Variants in C11orf16 observed in about 807,000 individuals in gnomAD.
The protein encoded by C11orf16 is chromosome 11 open reading frame 16.
A neutral mutation model predicts 45.1 loss-of-function variants in C11orf16; 38 were observed. The observed-to-expected ratio is 0.84, with a 90% CI of 0.65 to 1.10. The LOEUF is 1.10. Ranked by LOEUF, C11orf16 falls within the 50% of genes least tolerant of loss-of-function variation. The pLI, the probability that C11orf16 is intolerant of heterozygous loss-of-function variation, is 0.00. For missense variants in C11orf16, 583 were observed against 569.5 expected (o/e 1.02, Z -0.24); for synonymous variants, 221 against 222.0 (o/e 1.00, Z 0.04).
intron 2 of C11orf16, among the ~76,000 whole-genome samples, chr11:8,931,741 G>C (rs2064651403): frequency 6.6e-6 from 1 of 152,112 alleles, no homozygotes; most frequent in South Asian, 2.1e-4. Flanking sequence ...GGTCAGACTG[G>C]ACTCGAACTC....
At chr11:8,924,441 A>C (rs1485358068) in intron 5 of C11orf16, among the ~76,000 whole-genome samples, 1 of 152,044 alleles carries the variant, frequency 6.6e-6, no homozygotes. Flanking sequence ...CATGAGAATC[A>C]CTCGAACCTG....
In C11orf16 at chr11:8,925,666, A is replaced by T; in HGVS notation, c.1001T>A (p.Val334Asp). The T allele has an allele frequency of 6.2e-7, 1 of 1,614,240 alleles. No homozygotes were observed. The highest frequency in any genetic ancestry group is 8.5e-7 in the Non-Finnish European group (1 of 1,180,034). ...ACAGGAGGAGGATGAGGAGGAAGAA[A>T]CAGCCAGGGGAGCGTGCATTGCTAC... ...EKVAMHAPLA[V>D]SSSSSSSCEQ... The change falls in exon 5 of 7, where the codon GTT becomes GAT. Residue 334 changes from valine (V) to aspartate (D), a missense_variant. Val to Asp is a radical substitution (Grantham distance 152). Transcript: ENST00000326053.
chr11:8,920,483 A>T, intron 6 of C11orf16, 33 bp from the exon 7 acceptor site: 1 of 651,092 alleles, frequency 1.5e-6, no homozygotes, highest in Non-Finnish European at 2.7e-6. Context: ...ATACATTGTT[A>T]TGCTGACTGC....
rs1168619933 is a variant in C11orf16, at chr11:8,920,377, T to G, written c.*96A>C. 7.7e-6 allele frequency: 5 copies of G among 647,942 alleles called. No homozygotes were observed. The highest frequency in any genetic ancestry group is 1.4e-5 in the Non-Finnish European group (5 of 360,842). 40.1% of individuals were successfully genotyped at this position (647,942 alleles called of 1,614,324 possible). ...TGTTACCTGTGGCCTGTCCTCTGCC[T>G]CCTTCCGTTGAAGAAGGCCTTGTCA... On this transcript the variant is annotated 3_prime_UTR_variant, in exon 7 of 7. Transcript: ENST00000326053.
At chr11:8,927,773 C>G (rs1297544831) in intron 3 of C11orf16, 5 of 380,358 alleles carry the variant, frequency 1.3e-5, no homozygotes, top group African/African-American at 8.3e-5. Context: ...CAAGCTGTTT[C>G]AAGTACTCTG....
At chr11:8,921,554 C>G (rs2064574254) in intron 5 of C11orf16, 39 bp from the exon 6 acceptor site, 2 of 1,540,562 alleles carry the variant, frequency 1.3e-6, no homozygotes, top group Non-Finnish European at 1.8e-6. Flanking sequence ...GAATATGCCA[C>G]CATTTTGATG....
intron 5 of C11orf16, among the ~76,000 whole-genome samples, chr11:8,923,738 G>A (rs975574719): frequency 1.3e-5 from 2 of 151,870 alleles, no homozygotes; most frequent in Admixed American, 6.6e-5. Flanking sequence ...CAACTAGCTG[G>A]GATTACAGAC....
chr11:8,920,190 C>A lies in C11orf16; in HGVS notation c.*283G>T. 2.6e-6 allele frequency: 1 copy of A among 378,280 alleles called. No individual in the cohort carries two copies. Among genetic ancestry groups the A allele is most frequent in the Non-Finnish European group, 4.7e-6 (1 of 213,472 alleles). 23.4% of individuals were successfully genotyped at this position (378,280 alleles called of 1,614,324 possible). A position where few individuals can be genotyped will look rare whatever the true frequency, so the allele number is the denominator to read the frequency against. ...CACATTTGCCCAAAGCAGGCTGACC[C>A]CCTCTTCCACGGAAGAGGCATCTTA... is the stretch of plus-strand genomic sequence containing the variant. On this transcript the variant is annotated 3_prime_UTR_variant, in exon 7 of 7. Transcript: ENST00000326053.
rs149464499 is a variant in C11orf16, at chr11:8,921,421, C to T, written c.1299G>A (p.Ser433=). Residue 433 remains serine (S), a synonymous_variant, in exon 6 of 7, where the codon TCG becomes TCA. Coordinates refer to ENST00000326053, the MANE Select transcript of C11orf16 (RefSeq NM_020643.3). The part of the protein sequence containing the change: ...AVVGTTKELV[S]KATHMKPPRT... The stretch of plus-strand genomic sequence containing the variant: ...GCGGTGGCTTCATGTGGGTTGCTTT[C>T]GAGACCAGCTCCTTGGTAGTCCCCA... 5.0e-5 allele frequency: 80 copies of T among 1,614,192 alleles called. 1 individual carries two copies. Among genetic ancestry groups the T allele is most frequent in the African/African-American group, 2.5e-4 (19 of 75,066 alleles).
intron 4 of C11orf16, among the ~76,000 whole-genome samples, chr11:8,926,399 G>A (rs1024230251): frequency 6.6e-6 from 1 of 151,816 alleles, no homozygotes; most frequent in Non-Finnish European, 1.5e-5. Context: ...TGGCTGCGTG[G>A]CTCCTCACAT....
At position 8,926,705 on chromosome 11, in the gene C11orf16, A is replaced by T. The variant is rs1340915386; in HGVS notation, c.559+235T>A. 2.6e-5 allele frequency among the ~76,000 whole-genome samples: 4 copies of T among 152,048 alleles called. No individual in the cohort carries two copies. The East Asian group carries it at 7.7e-4, about 29-fold the overall frequency. ...TTTAGCTAACCAACATAGATATGAG[A>T]GTTTTAGGCCATTTACCCTGATTAC... On this transcript the variant is annotated intron_variant, in intron 4 of 6. Coordinates refer to ENST00000326053, the MANE Select transcript of C11orf16 (RefSeq NM_020643.3).
At position 8,929,481 on chromosome 11, in the gene C11orf16, GC is replaced by G. The variant is rs2064636597; in HGVS notation, c.219del (p.Pro74LeufsTer16). ...TCTCCAGCTCTTCCCAGCCAGCCAG[GC>G]CCCTGCCATGCTGGGTCGGCAACGT... ...CLHVADPAWQ[G>X]PGWLGRAGDA... On this transcript the variant is annotated frameshift_variant, in exon 3 of 7. Coordinates refer to ENST00000326053, the MANE Select transcript of C11orf16 (RefSeq NM_020643.3). LOFTEE classifies it high-confidence loss of function. 6.2e-7 allele frequency: 1 copy of G among 1,614,014 alleles called. No individual in the cohort carries two copies. Among genetic ancestry groups the G allele is most frequent in the Admixed American group, 1.7e-5 (1 of 60,000 alleles).
In C11orf16 at chr11:8,927,022, C is replaced by G. The variant is rs1287594630; in HGVS notation, c.477G>C (p.Val159=). 2 of 1,614,104 alleles carry G rather than the reference C, an allele frequency of 1.2e-6. No homozygotes were observed. Among genetic ancestry groups the G allele is most frequent in the Admixed American group, 1.7e-5 (1 of 60,008 alleles). Residue 159 remains valine (V), a synonymous_variant, in exon 4 of 7, where the codon GTG becomes GTC. Coordinates refer to ENST00000326053, the MANE Select transcript of C11orf16 (RefSeq NM_020643.3). ...GTTGGCCTGGCTCCCAGAGTGCCAG[C>G]ACCTTATCCCCTGGTCTCAGTGAGT... ...VGYSLRPGDK[V]LALWEPGQQQ...
In C11orf16 at chr11:8,920,399, G is replaced by A; in HGVS notation, c.*74C>T. The A allele has an allele frequency of 1.5e-6, 1 of 661,440 alleles. No individual in the cohort carries two copies. The highest frequency in any genetic ancestry group is 1.7e-5 in the South Asian group (1 of 60,478). The allele number at this position is 661,440 out of a possible 1,614,324, so 41.0% of individuals were successfully genotyped here. ...GCCTCCTTCCGTTGAAGAAGGCCTT[G>A]TCAGCCACTCTGTATAACTCTCCTC... On this transcript the variant is annotated 3_prime_UTR_variant, in exon 7 of 7. Coordinates refer to ENST00000326053, the MANE Select transcript of C11orf16 (RefSeq NM_020643.3).
In C11orf16 at chr11:8,926,193, T is replaced by TTC. The variant is rs2064612175; in HGVS notation, c.560-87_560-86insGA. ...TTTTCTTTTTTTCTTTTCTTTTTTT[T>TTC]TTTTTTTTTTTGAGACAGGGTCTGG... is the stretch of plus-strand genomic sequence containing the variant. On this transcript the variant is annotated intron_variant, in intron 4 of 6. Coordinates refer to ENST00000326053, the MANE Select transcript of C11orf16 (RefSeq NM_020643.3). 7.1e-6 allele frequency: 9 copies of TTC among 1,269,136 alleles called. No individual in the cohort carries two copies. In the South Asian group the frequency reaches 1.5e-4, roughly 21 times the overall value. The allele number at this position is 1,269,136 out of a possible 1,614,324, so 78.6% of individuals were successfully genotyped here. A position where few individuals can be genotyped will look rare whatever the true frequency, so the allele number is the denominator to read the frequency against.
rs748781277 is a variant in C11orf16, at chr11:8,929,519, C to T, written c.182G>A (p.Cys61Tyr). 5 of 1,612,434 alleles carry T rather than the reference C, an allele frequency of 3.1e-6. No homozygotes were observed. In the Admixed American group the frequency reaches 5.0e-5, roughly 16 times the overall value. ...HKPLARHASS[C>Y]PCLHVADPAW... ...TGGGTCGGCAACGTGGAGACATGGGCAAGAAGAGGCATGCCTGGAAAAAAG... is the reference window on the plus strand; with the variant it reads ...TGGGTCGGCAACGTGGAGACATGGGTAAGAAGAGGCATGCCTGGAAAAAAG... The change falls in exon 3 of 7, where the codon TGC (cysteine) becomes TAC (tyrosine). Residue 61 changes from cysteine (C) to tyrosine (Y), a missense_variant. Physicochemically the swap from Cys to Tyr is radical, Grantham distance 194. Transcript: ENST00000326053.
chr11:8,921,095 C>T (rs1006218071), intron 6 of C11orf16, among the ~76,000 whole-genome samples, 199 bp downstream of exon 6: 1 of 152,148 alleles, frequency 6.6e-6, no homozygotes, highest in Non-Finnish European at 1.5e-5. Context: ...AACGGGGATC[C>T]TTGCACCCCC....
At chr11:8,920,805 G>A (rs907092344) in intron 6 of C11orf16, among the ~76,000 whole-genome samples, 2 of 152,202 alleles carry the variant, frequency 1.3e-5, no homozygotes, top group African/African-American at 4.8e-5. Context: ...TCCAGCCTGA[G>A]TGACAGAGTG....
chr11:8,921,331 GT>G lies in C11orf16; in HGVS notation c.1388del (p.Asn463ThrfsTer13). 1 of 1,613,500 alleles carries G rather than the reference GT, an allele frequency of 6.2e-7. No individual in the cohort carries two copies. The highest frequency in any genetic ancestry group is 8.5e-7 in the Non-Finnish European group (1 of 1,180,030). ...RSQSLAICQW[N>X]KNSR ...GGCTCTTAGTCTAACGGGAATTCTT[GT>G]TCCACTGACATATTGCAAGGCTCTG... On this transcript the variant is annotated frameshift_variant, in exon 6 of 7. Transcript: ENST00000326053. LOFTEE classifies it high-confidence loss of function.
Sources: gnomAD v4.1 joint callset for allele counts (sites outside exome capture counted in the v4.1 genomes callset) on GRCh38, gnomAD v4.1.1 for gene constraint, MANE v1.5 for transcripts, NCBI Gene and HGNC (gene_info 2026-07-23, HGNC 2026-07-21) for gene names.